Variants in BBS10 observed in about 807,000 individuals in gnomAD.
The protein encoded by BBS10 is BBSome complex assembly protein BBS10.
In BBS10, 13 loss-of-function variants were observed where a neutral mutation model predicts 12.7. That is an observed-to-expected ratio of 1.03 (90% CI 0.67 to 1.63). The LOEUF is 1.63. BBS10 is among the 40% of genes most tolerant of loss of function. The pLI, the probability that BBS10 is intolerant of heterozygous loss-of-function variation, is 0.00. For synonymous variants in BBS10, 294 were observed against 304.8 expected (o/e 0.96, Z 0.37); for missense variants, 858 against 858.0 (o/e 1.00, Z 0.00).
chr12:76,346,454 G>C lies in BBS10; in HGVS notation c.1531C>G (p.Leu511Val). The C allele has an allele frequency of 6.2e-7, 1 of 1,614,174 alleles. No homozygotes were observed. The highest frequency in any genetic ancestry group is 8.5e-7 in the Non-Finnish European group (1 of 1,179,998). The part of the protein sequence containing the change: ...ETYIPYSTPT[L>V]TPTDTFQTVE... ...GTTTGGAATGTATCTGTTGGTGTCA[G>C]TGTGGGGGTTGAATACGGAATATAT... The change falls in exon 2 of 2, where the codon CTG (leucine) becomes GTG (valine). Residue 511 changes from leucine to valine, a missense_variant. By Grantham distance (32) the Leu-to-Val change is conservative. Coordinates refer to ENST00000650064, the MANE Select transcript of BBS10 (RefSeq NM_024685.4).
Position 76,345,570 on chromosome 12 carries a change from A to G in BBS10, c.*243T>C. The G allele has an allele frequency of 2.1e-6, 1 of 471,020 alleles. No individual in the cohort carries two copies. The highest frequency in any genetic ancestry group is 3.3e-5 in the Admixed American group (1 of 30,122). The allele number at this position is 471,020 out of a possible 1,614,324, so 29.2% of individuals were successfully genotyped here. ...AGGCTAACACAGAGCTGAGACACAGAGGCATAAAATAGGGAAAAAACAGAC... is the reference window on the plus strand; with the variant it reads ...AGGCTAACACAGAGCTGAGACACAGGGGCATAAAATAGGGAAAAAACAGAC... On this transcript the variant is annotated 3_prime_UTR_variant, in exon 2 of 2. Coordinates refer to ENST00000650064, the MANE Select transcript of BBS10 (RefSeq NM_024685.4).
rs752941157 is a variant in BBS10 at position 76,346,274 on chromosome 12, C to A, written c.1711G>T (p.Gly571Ter). 1 of 1,613,080 alleles carries A rather than the reference C, an allele frequency of 6.2e-7. No homozygotes were observed. Among genetic ancestry groups the A allele is most frequent in the South Asian group, 1.1e-5 (1 of 90,992 alleles). Residue 571 changes from glycine to a stop codon, truncating the protein, a stop_gained, in exon 2 of 2, where the codon GGA becomes TGA. Coordinates refer to ENST00000650064, the MANE Select transcript of BBS10 (RefSeq NM_024685.4). LOFTEE classifies it high-confidence loss of function. ...TTACAGCTCACTGGTAACATGCTTC[C>A]CTTTCTAGTAATATTTGTGACCTGT... Reference protein sequence around the residue: ...NLQVTNITRKGSMLPVSCKLP... With the variant: ...NLQVTNITRK
In BBS10 at chr12:76,346,207, G is replaced by A; in HGVS notation, c.1778C>T (p.Ser593Phe). 1 of 1,612,080 alleles carries A rather than the reference G, an allele frequency of 6.2e-7. No individual in the cohort carries two copies. Among genetic ancestry groups the A allele is most frequent in the Non-Finnish European group, 8.5e-7 (1 of 1,179,328 alleles). Residue 593 changes from serine (S) to phenylalanine (F), a missense_variant, in exon 2 of 2, where the codon TCT becomes TTT. Ser to Phe is a radical substitution (Grantham distance 155). Transcript: ENST00000650064. ...MGTSQSYLSSSMPAGCVLPVG... is the reference protein window; with the variant it reads ...MGTSQSYLSSFMPAGCVLPVG... ...TGGCAAAACACAACCAGCTGGCATA[G>A]ATGAGGAAAGGTAACTCTGGGAAGT...
chr12:76,345,857 G>T lies in BBS10; in HGVS notation c.2128C>A (p.His710Asn). The T allele has an allele frequency of 6.2e-7, 1 of 1,613,780 alleles. No individual in the cohort carries two copies. Among genetic ancestry groups the T allele is most frequent in the Non-Finnish European group, 8.5e-7 (1 of 1,179,758 alleles). ...TIDMVITVKR[H>N]PQKVHNQDSE... ...TCTTGATTGTGAACTTTCTGAGGGT[G>T]TCTCTTAACAGTGATTACCATGTCA... The change falls in exon 2 of 2, where the codon CAC (histidine) becomes AAC (asparagine). Residue 710 changes from histidine to asparagine, a missense_variant. His to Asn is a moderately conservative substitution (Grantham distance 68). Transcript: ENST00000650064.
At position 76,345,924 on chromosome 12, in the gene BBS10, T is replaced by C. The variant is rs1217377098; in HGVS notation, c.2061A>G (p.Leu687=). The C allele has an allele frequency of 1.7e-5, 28 of 1,613,948 alleles. No individual in the cohort carries two copies. Among genetic ancestry groups the C allele is most frequent in the Non-Finnish European group, 2.4e-5 (28 of 1,179,922 alleles). ...TCAAACACTGAAGAACTGAAGTTAG[T>C]AGCTGGTATTTACCCATTACTGATT... ...GLESVMGKYQ[L]LTSVLQCLTK... is the part of the protein sequence containing the mutation. Residue 687 remains leucine, a synonymous_variant, in exon 2 of 2, where the codon CTA becomes CTG. Coordinates refer to ENST00000650064, the MANE Select transcript of BBS10 (RefSeq NM_024685.4).
chr12:76,347,477 A>G lies in BBS10; in HGVS notation c.508T>C (p.Leu170=), dbSNP rs1378038271. The change falls in exon 2 of 2, where the codon TTA becomes CTA. Residue 170 remains leucine, a synonymous_variant. Transcript: ENST00000650064. The part of the protein sequence containing the change: ...AKERTLCRSS[L]ELLLEAYFCG... ...AAGTATGCTTCTAAGAGCAACTCTA[A>G]AGAGCTCCTACACAATGTTCTCTCT... 1 of 1,613,760 alleles carries G rather than the reference A, an allele frequency of 6.2e-7. No homozygotes were observed. Among genetic ancestry groups the G allele is most frequent in the South Asian group, 1.1e-5 (1 of 91,072 alleles).
chr12:76,348,124 G>C, intron 1 of BBS10, 38 bp downstream of exon 1: 1 of 1,578,918 alleles, frequency 6.3e-7, no homozygotes, highest in Non-Finnish European at 8.6e-7. Flanking sequence ...GGCTGCCTGG[G>C]GTGCCCGGCT....
Position 76,346,584 on chromosome 12 carries a change from C to G in BBS10, c.1401G>C (p.Arg467Ser). 2 of 1,614,098 alleles carry G rather than the reference C, an allele frequency of 1.2e-6. No homozygotes were observed. The highest frequency in any genetic ancestry group is 1.7e-5 in the Admixed American group (1 of 60,026). The stretch of plus-strand genomic sequence containing the variant: ...TCTCTGCAACTGTGTCCTGATAAGG[C>G]CTTTGTATTGAGCCATTACCAGGAT... Reference protein sequence around the residue: ...APDPGNGSIQRPYQDTVAENK... With the variant: ...APDPGNGSIQSPYQDTVAENK... Residue 467 changes from arginine (R) to serine (S), a missense_variant, in exon 2 of 2, where the codon AGG becomes AGC. Transcript: ENST00000650064.
In BBS10 at chr12:76,347,419, A is replaced by G; in HGVS notation, c.566T>C (p.Phe189Ser). ...GTAGTCACACATCAACTGTGAAATA[A>G]ATTTATGATTATTTCTTCCCACTCT... The part of the protein sequence containing the change: ...CGRVGRNNHK[F>S]ISQLMCDYFF... Residue 189 changes from phenylalanine (F) to serine (S), a missense_variant, in exon 2 of 2, where the codon TTT becomes TCT. Physicochemically the swap from Phe to Ser is radical, Grantham distance 155. Coordinates refer to ENST00000650064, the MANE Select transcript of BBS10 (RefSeq NM_024685.4). 1 of 1,613,958 alleles carries G rather than the reference A, an allele frequency of 6.2e-7. No individual in the cohort carries two copies. The highest frequency in any genetic ancestry group is 8.5e-7 in the Non-Finnish European group (1 of 1,179,976).
intron 1 of BBS10, 32 bp downstream of exon 1, chr12:76,348,130 C>G: frequency 6.3e-7 from 1 of 1,582,752 alleles, no homozygotes; most frequent in Middle Eastern, 1.7e-4. Flanking sequence ...CTGGGGTGCC[C>G]GGCTACGGGT....
Position 76,348,304 on chromosome 12 carries a change from C to G in BBS10, c.55G>C (p.Glu19Gln), listed in dbSNP as rs1001512051. ...CAGCTCACGATGGCTTCCAGCACCTCGGCCACCTGCAACGCCGCCTTCACA... is the reference window on the plus strand; with the variant it reads ...CAGCTCACGATGGCTTCCAGCACCTGGGCCACCTGCAACGCCGCCTTCACA... ...GSVKAALQVA[E>Q]VLEAIVSCCV... is the part of the protein sequence containing the mutation. The change falls in exon 1 of 2, where the codon GAG becomes CAG. Residue 19 changes from glutamate (E) to glutamine (Q), a missense_variant. Coordinates refer to ENST00000650064, the MANE Select transcript of BBS10 (RefSeq NM_024685.4). 3.7e-6 allele frequency: 6 copies of G among 1,611,116 alleles called. No homozygotes were observed. Among genetic ancestry groups the G allele is most frequent in the Non-Finnish European group, 5.1e-6 (6 of 1,178,676 alleles).
In BBS10 at chr12:76,346,242, C is replaced by T. The variant is rs150530553; in HGVS notation, c.1743G>A (p.Pro581=). 2.4e-5 allele frequency: 39 copies of T among 1,611,396 alleles called. 1 individual carries two copies. Among genetic ancestry groups the T allele is most frequent in the South Asian group, 2.1e-4 (19 of 90,674 alleles). The part of the protein sequence containing the change: ...GSMLPVSCKL[P]NMGTSQSYLS... ...GGTAACTCTGGGAAGTACCCATATT[C>T]GGTAACTTACAGCTCACTGGTAACA... Residue 581 remains proline, a synonymous_variant, in exon 2 of 2, where the codon CCG becomes CCA. Transcript: ENST00000650064.
chr12:76,346,533 T>C lies in BBS10; in HGVS notation c.1452A>G (p.Gln484=). 1.2e-6 allele frequency: 2 copies of C among 1,614,136 alleles called. No individual in the cohort carries two copies. The highest frequency in any genetic ancestry group is 2.2e-5 in the South Asian group (2 of 91,082). ...AATTAGAATGTACTTTTAAATATGT[T>C]TGAGTTTTTTCCAATGCATCTTTGT... ...AENKDALEKT[Q]TYLKVHSNLV... Residue 484 remains glutamine, a synonymous_variant, in exon 2 of 2, where the codon CAA becomes CAG. Coordinates refer to ENST00000650064, the MANE Select transcript of BBS10 (RefSeq NM_024685.4).
chr12:76,346,227 G>A lies in BBS10; in HGVS notation c.1758C>T (p.Ser586=), dbSNP rs761680422. 1.9e-6 allele frequency: 3 copies of A among 1,611,682 alleles called. No homozygotes were observed. The highest frequency in any genetic ancestry group is 1.7e-5 in the Admixed American group (1 of 59,746). Residue 586 remains serine, a synonymous_variant, in exon 2 of 2, where the codon TCC becomes TCT. Coordinates refer to ENST00000650064, the MANE Select transcript of BBS10 (RefSeq NM_024685.4). ...VSCKLPNMGT[S]QSYLSSSMPA... ...GCATAGATGAGGAAAGGTAACTCTG[G>A]GAAGTACCCATATTCGGTAACTTAC...
In BBS10 at chr12:76,345,904, C is replaced by T. The variant is rs773369813; in HGVS notation, c.2081G>A (p.Cys694Tyr). ...KYQLLTSVLQCLTKILTIDMV... is the reference protein window; with the variant it reads ...KYQLLTSVLQYLTKILTIDMV... ...GTCAATGGTTAATATTTTTGTCAAA[C>T]ACTGAAGAACTGAAGTTAGTAGCTG... The change falls in exon 2 of 2, where the codon TGT becomes TAT. Residue 694 changes from cysteine to tyrosine, a missense_variant. Coordinates refer to ENST00000650064, the MANE Select transcript of BBS10 (RefSeq NM_024685.4). The T allele has an allele frequency of 1.2e-6, 2 of 1,613,974 alleles. No individual in the cohort carries two copies. The highest frequency in any genetic ancestry group is 8.5e-7 in the Non-Finnish European group (1 of 1,179,872).
chr12:76,348,025 G>T, intron 1 of BBS10, 137 bp downstream of exon 1: 1 of 1,061,750 alleles, frequency 9.4e-7, no homozygotes, highest in Non-Finnish European at 1.4e-6. Flanking sequence ...CCCTTGGGCA[G>T]GGCTCTAATT....
chr12:76,344,995 T>C lies in BBS10; in HGVS notation c.*818A>G, dbSNP rs1413250482. The stretch of plus-strand genomic sequence containing the variant: ...AAAATTGTCAAATTATTTGTTACTG[T>C]GGAACTCTGGCTATGCACCAGATAC... On this transcript the variant is annotated 3_prime_UTR_variant, in exon 2 of 2. Coordinates refer to ENST00000650064, the MANE Select transcript of BBS10 (RefSeq NM_024685.4). The C allele has an allele frequency of 6.6e-6, 1 of 152,196 alleles. No individual in the cohort carries two copies. Among genetic ancestry groups the C allele is most frequent in the Non-Finnish European group, 1.5e-5 (1 of 68,006 alleles). 9.4% of individuals were successfully genotyped at this position (152,196 alleles called of 1,614,324 possible). A position where few individuals can be genotyped will look rare whatever the true frequency, so the allele number is the denominator to read the frequency against.
rs749658816 is a variant in BBS10 at position 76,348,174 on chromosome 12, T to C, written c.185A>G (p.His62Arg). The change falls in exon 1 of 2, where the codon CAT becomes CGT. Residue 62 changes from histidine to arginine, a missense_variant. Transcript: ENST00000650064. ...GRLLEALHLEHPIARMIVDCV... is the reference protein window; with the variant it reads ...GRLLEALHLERPIARMIVDCV... ...GGGACGCGGGTACCTGGCTATGGGA[T>C]GCTCTAAGTGTAGCGCCTCCAGGAG... 2 of 1,610,564 alleles carry C rather than the reference T, an allele frequency of 1.2e-6. No homozygotes were observed. Among genetic ancestry groups the C allele is most frequent in the Non-Finnish European group, 1.7e-6 (2 of 1,177,352 alleles).
chr12:76,346,118 G>T lies in BBS10; in HGVS notation c.1867C>A (p.Gln623Lys). The T allele has an allele frequency of 6.2e-7, 1 of 1,608,316 alleles. No homozygotes were observed. The highest frequency in any genetic ancestry group is 8.5e-7 in the Non-Finnish European group (1 of 1,178,192). Reference protein sequence around the residue: ...YLLNYAKKCHQSEETMVSMII... With the variant: ...YLLNYAKKCHKSEETMVSMII... ...ATACTAACCATGGTTTCTTCTGATT[G>T]ATGGCATTTTTTGGCATAATTGAGA... The change falls in exon 2 of 2, where the codon CAA (glutamine) becomes AAA (lysine). Residue 623 changes from glutamine to lysine, a missense_variant. Physicochemically the swap from Gln to Lys is moderately conservative, Grantham distance 53. Coordinates refer to ENST00000650064, the MANE Select transcript of BBS10 (RefSeq NM_024685.4).
Sources: gnomAD v4.1 joint callset for allele counts on GRCh38, gnomAD v4.1.1 for gene constraint, MANE v1.5 for transcripts, NCBI Gene and HGNC (gene_info 2026-07-23, HGNC 2026-07-21) for gene names.